Variants in CD151 observed in about 807,000 individuals in gnomAD.
CD151 encodes the protein CD151 antigen.
A neutral mutation model predicts 34.2 loss-of-function variants in CD151; 20 were observed. The ratio of observed to expected loss-of-function variants is 0.58; its 90% CI spans 0.41 to 0.85. The LOEUF (loss-of-function observed/expected upper bound fraction) is 0.85, where lower values mean the gene tolerates loss of function less well. Among genes scored for constraint, CD151 ranks in the 40% least tolerant of loss-of-function variants. The pLI is 0.00. For missense variants in CD151, 306 were observed against 324.5 expected, an observed-to-expected ratio of 0.94 and a Z score of 0.44; for synonymous variants, 157 against 131.7, an observed-to-expected ratio of 1.19 and a Z score of -1.32.
Position 837,663 on chromosome 11 carries a change from G to T in CD151, c.615+45G>T, listed in dbSNP as rs377221171. On this transcript the variant is annotated intron_variant, in intron 7 of 8. Coordinates refer to ENST00000397420, the MANE Select transcript of CD151 (RefSeq NM_004357.5). ...ATGCCTCCAGTGTCTACGAGGTGGT[G>T]GGGGGGCACCCCAGTGACTGGCTGT... 37 of 1,000,900 alleles carry T rather than the reference G, an allele frequency of 3.7e-5. No homozygotes were observed. In the African/African-American group the frequency reaches 6.1e-4, roughly 17 times the overall value. 62.0% of individuals were successfully genotyped at this position (1,000,900 alleles called of 1,614,324 possible). A position where few individuals can be genotyped will look rare whatever the true frequency, so the allele number is the denominator to read the frequency against.
Position 838,331 on chromosome 11 carries a change from A to T in CD151, c.*139A>T. ...GACCCCAACCTCAGAGGCAGCTTCA[A>T]GTGCCTTTTGCTGCGCACCAATGCC... On this transcript the variant is annotated 3_prime_UTR_variant, in exon 9 of 9. Coordinates refer to ENST00000397420, the MANE Select transcript of CD151 (RefSeq NM_004357.5). The T allele has an allele frequency of 3.1e-6, 2 of 648,118 alleles. No individual in the cohort carries two copies. Among genetic ancestry groups the T allele is most frequent in the Non-Finnish European group, 5.4e-6 (2 of 371,654 alleles). 40.1% of individuals were successfully genotyped at this position (648,118 alleles called of 1,614,324 possible). A position where few individuals can be genotyped will look rare whatever the true frequency, so the allele number is the denominator to read the frequency against.
chr11:838,473 G>T lies in CD151; in HGVS notation c.*281G>T, dbSNP rs1354132859. ...CAGGTTGGAAGGGGCCTTGCTGAGT[G>T]GCGCAAGGCCGAGCGTTCCCAGCAG... On this transcript the variant is annotated 3_prime_UTR_variant, in exon 9 of 9. Transcript: ENST00000397420. 2 of 565,514 alleles carry T rather than the reference G, an allele frequency of 3.5e-6. No individual in the cohort carries two copies. The highest frequency in any genetic ancestry group is 5.9e-5 in the East Asian group (2 of 33,646). The allele number at this position is 565,514 out of a possible 1,614,324, so 35.0% of individuals were successfully genotyped here.
Position 838,573 on chromosome 11 carries a change from T to C in CD151, c.*381T>C, listed in dbSNP as rs1242187105. 9.2e-6 allele frequency: 3 copies of C among 326,794 alleles called. No individual in the cohort carries two copies. The highest frequency in any genetic ancestry group is 6.9e-5 in the South Asian group (2 of 29,030). The allele number at this position is 326,794 out of a possible 1,614,324, so 20.2% of individuals were successfully genotyped here. A position where few individuals can be genotyped will look rare whatever the true frequency, so the allele number is the denominator to read the frequency against. The stretch of plus-strand genomic sequence containing the variant: ...TTGCAGCCACATGGCCCCATCCCAG[T>C]TGGGGAAGCCAGGTGAGCTCTGACC... On this transcript the variant is annotated 3_prime_UTR_variant, in exon 9 of 9. Coordinates refer to ENST00000397420, the MANE Select transcript of CD151 (RefSeq NM_004357.5).
chr11:833,290 C>T (rs1846603867), intron 1 of CD151, among the ~76,000 whole-genome samples: 1 of 152,174 alleles, frequency 6.6e-6, no homozygotes, highest in Admixed American at 6.5e-5. Context: ...AGGAGAGGCG[C>T]CTCCCGGGCC....
At position 836,423 on chromosome 11, in the gene CD151, G is replaced by T; in HGVS notation, c.257G>T (p.Arg86Leu). ...VLGCCATFKE[R>L]RNLLRLYFIL... ...GGCTGCTGCGCCACCTTCAAGGAGC[G>T]TCGGAACCTGCTGCGCCTGGTCAGG... The change falls in exon 4 of 9, where the codon CGT (arginine) becomes CTT (leucine). Residue 86 changes from arginine (R) to leucine (L), a missense_variant. Coordinates refer to ENST00000397420, the MANE Select transcript of CD151 (RefSeq NM_004357.5). 1 of 1,609,606 alleles carries T rather than the reference G, an allele frequency of 6.2e-7. No individual in the cohort carries two copies. Among genetic ancestry groups the T allele is most frequent in the Non-Finnish European group, 8.5e-7 (1 of 1,179,364 alleles).
chr11:836,085 G>C lies in CD151; in HGVS notation c.16G>C (p.Glu6Gln), dbSNP rs371206840. The C allele has an allele frequency of 3.1e-6, 5 of 1,612,166 alleles. No homozygotes were observed. Among genetic ancestry groups the C allele is most frequent in the South Asian group, 1.1e-5 (1 of 91,056 alleles). Residue 6 changes from glutamate to glutamine, a missense_variant, in exon 3 of 9, where the codon GAG (glutamate) becomes CAG (glutamine). Coordinates refer to ENST00000397420, the MANE Select transcript of CD151 (RefSeq NM_004357.5). MGEFNEKKTTCGTVCL... is the reference protein window; with the variant it reads MGEFNQKKTTCGTVCL... ...CAGCCCCAGGATGGGTGAGTTCAAC[G>C]AGAAGAAGACAACATGTGGCACCGT...
At chr11:836,586 C>G in intron 4 of CD151, 144 bp downstream of exon 4, 1 of 829,928 alleles carries the variant, frequency 1.2e-6, no homozygotes, top group Non-Finnish European at 1.9e-6. Flanking sequence ...CCTGTGGGTC[C>G]CCACGTTCCT....
At chr11:833,663 A>AG (rs1846628264) in intron 1 of CD151, among the ~76,000 whole-genome samples, 5 of 152,118 alleles carry the variant, frequency 3.3e-5, no homozygotes, top group Non-Finnish European at 7.4e-5. Context: ...TCCTGGGAAG[A>AG]GGGGCCACTC....
chr11:833,383 G>A (rs1846609258), intron 1 of CD151, among the ~76,000 whole-genome samples: 1 of 152,172 alleles, frequency 6.6e-6, no homozygotes, highest in African/African-American at 2.4e-5. Flanking sequence ...CCCTGGACAC[G>A]GCAGTCTTCC....
rs915674638 is a variant in CD151, at chr11:837,697, G to A, written c.615+79G>A. The A allele has an allele frequency of 7.7e-6, 11 of 1,430,426 alleles. No homozygotes were observed. In the African/African-American group the frequency reaches 1.5e-4, roughly 20 times the overall value. The allele number at this position is 1,430,426 out of a possible 1,614,324, so 88.6% of individuals were successfully genotyped here. ...CCCCAGTGACTGGCTGTGGGCAGTG[G>A]GACACGCCTCCAATATCTACCAGGA... On this transcript the variant is annotated intron_variant, in intron 7 of 8. Transcript: ENST00000397420.
chr11:837,244 C>A lies in CD151; in HGVS notation c.352-6C>A. ...GAGGCTGAAGTTTCCTGCACCCCAA[C>A]CCCAGCTGAACACGGAGCTCAAGGA... On this transcript the variant is annotated splice_region_variant and splice_polypyrimidine_tract_variant and intron_variant, in intron 5 of 8. Transcript: ENST00000397420. 6.2e-7 allele frequency: 1 copy of A among 1,611,238 alleles called. No homozygotes were observed.
Position 836,829 on chromosome 11 carries a change from G to T in CD151, c.337G>T (p.Ala113Ser). ...GATCATCGCTGGTATCCTCGCCTAC[G>T]CCTACTACCAGCAGGTGAGGGGCCT... ...LEIIAGILAY[A>S]YYQQLNTELK... The change falls in exon 5 of 9, where the codon GCC becomes TCC. Residue 113 changes from alanine (A) to serine (S), a missense_variant. Transcript: ENST00000397420. 1.2e-6 allele frequency: 2 copies of T among 1,612,600 alleles called. No homozygotes were observed. The highest frequency in any genetic ancestry group is 1.7e-6 in the Non-Finnish European group (2 of 1,179,842).
At position 838,723 on chromosome 11, in the gene CD151, C is replaced by CAG; in HGVS notation, c.*532_*533insGA. On this transcript the variant is annotated 3_prime_UTR_variant, in exon 9 of 9. Coordinates refer to ENST00000397420, the MANE Select transcript of CD151 (RefSeq NM_004357.5). ...CGTGGTCACTGTGCACTGCCCTGTT[C>CAG]ATGTGCCTCTGCGGGGCAGGGCCTT... 3 of 169,072 alleles carry CAG rather than the reference C, an allele frequency of 1.8e-5. No homozygotes were observed. The highest frequency in any genetic ancestry group is 1.5e-4 in the South Asian group (1 of 6,838). 10.5% of individuals were successfully genotyped at this position (169,072 alleles called of 1,614,324 possible).
intron 7 of CD151, 99 bp downstream of exon 7, chr11:837,717 C>A: frequency 7.8e-7 from 1 of 1,276,904 alleles, no homozygotes. Flanking sequence ...CCAATATCTA[C>A]CAGGAGGTGG....
chr11:838,141 CA>C lies in CD151; in HGVS notation c.712del (p.Met238Ter), dbSNP rs1178642992. The C allele has an allele frequency of 1.9e-6, 3 of 1,613,186 alleles. No homozygotes were observed. In the Admixed American group the frequency reaches 5.0e-5, roughly 27 times the overall value. On this transcript the variant is annotated frameshift_variant, in exon 9 of 9. Transcript: ENST00000397420. LOFTEE classifies it high-confidence loss of function. ...CCCGGCTCTGCACACAGGTCTTTGGCATGATCTTCACGTGCTGCCTGTACAG... is the reference window on the plus strand; with the variant it reads ...CCCGGCTCTGCACACAGGTCTTTGGCTGATCTTCACGTGCTGCCTGTACAG... The part of the protein sequence containing the change: ...IGIACVQVFG[M>X]IFTCCLYRSL...
At chr11:833,810 A>ACACACAACCCCCCCT (rs1565115598) in intron 1 of CD151, among the ~76,000 whole-genome samples, 2 of 134,918 alleles carry the variant, frequency 1.5e-5, no homozygotes, top group Admixed American at 7.3e-5. Flanking sequence ...TCGGTGGCAG[A>ACACACAACCCCCCCT]CGCACACCCC....
In CD151 at chr11:837,633, G is replaced by C. The variant is rs1846826395; in HGVS notation, c.615+15G>C. On this transcript the variant is annotated intron_variant, in intron 7 of 8. Coordinates refer to ENST00000397420, the MANE Select transcript of CD151 (RefSeq NM_004357.5). ...ACAAGGTGGAGGTGGGTGTGCAGCG[G>C]GATCATGCCTCCAGTGTCTACGAGG... 1 of 1,608,546 alleles carries C rather than the reference G, an allele frequency of 6.2e-7. No homozygotes were observed. The highest frequency in any genetic ancestry group is 8.5e-7 in the Non-Finnish European group (1 of 1,178,632).
At chr11:833,188 CCGCCTGGCCCAGCTCCCT>C (rs1225088943) in intron 1 of CD151, among the ~76,000 whole-genome samples, 162 bp downstream of exon 1, 7 of 150,984 alleles carry the variant, frequency 4.6e-5, no homozygotes, top group African/African-American at 7.3e-5. Flanking sequence ...GCCGCACCCA[CCGCCTGGCCCAGCTCCCT>C]CGCCTGCCCC....
At chr11:833,129 G>T (rs1210435466) in intron 1 of CD151, 103 bp downstream of exon 1, 1 of 151,230 alleles carries the variant, frequency 6.6e-6, no homozygotes, top group African/African-American at 2.4e-5. Flanking sequence ...AAGGCCCTGC[G>T]CGCCCCAGCC....
Sources: gnomAD v4.1 joint callset for allele counts (sites outside exome capture counted in the v4.1 genomes callset) on GRCh38, gnomAD v4.1.1 for gene constraint, MANE v1.5 for transcripts, NCBI Gene and HGNC (gene_info 2026-07-23, HGNC 2026-07-21) for gene names.